AVL9: variants seen among roughly 807,000 people sequenced by gnomAD.
AVL9 encodes the protein late secretory pathway protein AVL9 homolog.
Under a neutral mutation model 79.2 loss-of-function variants are expected in AVL9, and 49 were observed. That is an observed-to-expected ratio of 0.62 (90% confidence interval 0.49 to 0.79). AVL9 has a LOEUF of 0.79. Among genes scored for constraint, AVL9 ranks in the 30% least tolerant of loss-of-function variants. The probability of loss-of-function intolerance (pLI) is 0.00; values close to 1 mark genes in which losing one functional copy is unlikely to be tolerated. For synonymous variants in AVL9, 299 were observed against 280.6 expected, an observed-to-expected ratio of 1.07 and a Z score of -0.65; for missense variants, 682 against 776.8, an observed-to-expected ratio of 0.88 and a Z score of 1.45.
intron 7 of AVL9, 25 bp from the exon 8 acceptor site, chr7:32,554,533 A>G (rs1463754100): frequency 2.7e-6 from 4 of 1,474,082 alleles, no homozygotes; most frequent in Non-Finnish European, 3.7e-6. Context: ...TCATTTCAAT[A>G]CAACATTTTT....
At chr7:32,503,329 TATATCTATATATATAG>T (rs1183268328) in intron 1 of AVL9, among the ~76,000 whole-genome samples, 10 of 105,884 alleles carry the variant, frequency 9.4e-5, no homozygotes, top group South Asian at 3.9e-4. Flanking sequence ...GATATATATA[TATATCTATATATATAG>T]ATATAGATAT....
chr7:32,573,861 C>A (rs1035393670), intron 12 of AVL9, among the ~76,000 whole-genome samples: 2 of 152,072 alleles, frequency 1.3e-5, no homozygotes, highest in African/African-American at 4.8e-5. Context: ...CATTGAAAAT[C>A]GTGTTGTAAA....
At chr7:32,520,424 C>A (rs921297193) in intron 1 of AVL9, among the ~76,000 whole-genome samples, 4 of 152,140 alleles carry the variant, frequency 2.6e-5, no homozygotes, top group African/African-American at 9.7e-5. Context: ...ATTGAACAAT[C>A]CCTGATGAGT....
At chr7:32,554,495 GA>G (rs1789973883) in intron 7 of AVL9, 62 bp from the exon 8 acceptor site, 2 of 1,059,402 alleles carry the variant, frequency 1.9e-6, no homozygotes, top group East Asian at 5.1e-5. Flanking sequence ...TTTAGGAGGG[GA>G]AAAGATGAAT....
chr7:32,551,675 T>G (rs1013147900), intron 5 of AVL9, among the ~76,000 whole-genome samples: 2 of 150,590 alleles, frequency 1.3e-5, no homozygotes, highest in Admixed American at 6.7e-5. Flanking sequence ...TTTCTCTTAG[T>G]GGATAATAGC....
At position 32,559,252 on chromosome 7, in the gene AVL9, G is replaced by A. The variant is rs1790226295; in HGVS notation, c.1003G>A (p.Asp335Asn). Residue 335 changes from aspartate (D) to asparagine (N), a missense_variant, in exon 10 of 16, where the codon GAT becomes AAT. Coordinates refer to ENST00000318709, the MANE Select transcript of AVL9 (RefSeq NM_015060.3). ...TTCAGAAAGTGACTGGGAAACTTTG[G>A]ATCCTAGTGTCTTAGAGGACCCCAA... Reference protein sequence around the residue: ...DSSESDWETLDPSVLEDPNLK... With the variant: ...DSSESDWETLNPSVLEDPNLK... 1.9e-6 allele frequency: 3 copies of A among 1,614,184 alleles called. No homozygotes were observed. The African/African-American group carries it at 4.0e-5, about 22-fold the overall frequency.
chr7:32,510,547 G>A (rs1224971950), intron 1 of AVL9, among the ~76,000 whole-genome samples: 1 of 145,346 alleles, frequency 6.9e-6, no homozygotes, highest in Middle Eastern at 3.5e-3. Context: ...CCCAGTATGA[G>A]GGAAGCCATC....
intron 10 of AVL9, among the ~76,000 whole-genome samples, chr7:32,560,771 A>G (rs991169787): frequency 6.6e-6 from 1 of 152,252 alleles, no homozygotes; most frequent in African/African-American, 2.4e-5. Context: ...CATGGCAGCT[A>G]TAGCCTTATG....
chr7:32,559,495 TA>T, intron 10 of AVL9, 31 bp downstream of exon 10: 1 of 1,498,654 alleles, frequency 6.7e-7, no homozygotes, highest in South Asian at 1.4e-5. Flanking sequence ...TCGAATTCCT[TA>T]AAGAATTTGA....
At chr7:32,511,290 C>T (rs1787659997) in intron 1 of AVL9, among the ~76,000 whole-genome samples, 1 of 148,412 alleles carries the variant, frequency 6.7e-6, no homozygotes, top group Non-Finnish European at 1.5e-5. Flanking sequence ...TGAGGGAAAC[C>T]ATCTCCCCAG....
chr7:32,587,363 CTGGCAGGTAGGTTT>C lies in AVL9; in HGVS notation c.*3459_*3472del, dbSNP rs1256294817. Reference sequence around the variant, plus strand: ...AAAGTCACGCTACGGCATTATCACCCTGGCAGGTAGGTTTTGTTATTGTTTTACATTTTGTGAAA... The same window carrying C: ...AAAGTCACGCTACGGCATTATCACCCTGTTATTGTTTTACATTTTGTGAAA... On this transcript the variant is annotated 3_prime_UTR_variant, in exon 16 of 16. Coordinates refer to ENST00000318709, the MANE Select transcript of AVL9 (RefSeq NM_015060.3). The C allele has an allele frequency of 6.6e-6, 1 of 152,172 alleles. No individual in the cohort carries two copies. Among genetic ancestry groups the C allele is most frequent in the Non-Finnish European group, 1.5e-5 (1 of 68,044 alleles). The allele number at this position is 152,172 out of a possible 1,614,324, so 9.4% of individuals were successfully genotyped here. A position where few individuals can be genotyped will look rare whatever the true frequency, so the allele number is the denominator to read the frequency against.
At chr7:32,504,540 G>A (rs1787323743) in intron 1 of AVL9, among the ~76,000 whole-genome samples, 1 of 152,110 alleles carries the variant, frequency 6.6e-6, no homozygotes, top group African/African-American at 2.4e-5. Flanking sequence ...TTGTCATTAG[G>A]TGTGTAAGCT....
intron 3 of AVL9, among the ~76,000 whole-genome samples, chr7:32,546,372 T>C (rs967556987): frequency 6.6e-5 from 10 of 152,148 alleles, no homozygotes; most frequent in Non-Finnish European, 1.5e-4. Context: ...GTAACTACCA[T>C]GAAGTAACCC....
intron 1 of AVL9, among the ~76,000 whole-genome samples, chr7:32,499,569 C>A (rs1056354200): frequency 6.3e-5 from 7 of 110,640 alleles, no homozygotes; most frequent in Non-Finnish European, 1.3e-4. Context: ...ACAAAAAAGG[C>A]AGAATAACAA....
At chr7:32,571,353 C>T (rs1286790165) in intron 11 of AVL9, among the ~76,000 whole-genome samples, 1 of 150,792 alleles carries the variant, frequency 6.6e-6, no homozygotes, top group Non-Finnish European at 1.5e-5. Flanking sequence ...CATGGTGAAA[C>T]CCCGTCTCTA....
chr7:32,535,359 C>T (rs566923563), intron 1 of AVL9: 1 of 152,338 alleles, frequency 6.6e-6, no homozygotes, highest in African/African-American at 2.4e-5. Flanking sequence ...GTTATCTGAC[C>T]TGAGAAATCA....
rs1461334484 is a variant in AVL9, at chr7:32,568,201, A to AT, written c.1216-1816dup. On this transcript the variant is annotated intron_variant, in intron 10 of 15. Coordinates refer to ENST00000318709, the MANE Select transcript of AVL9 (RefSeq NM_015060.3). ...TTTTTTACATCATATTCTTTTATTT[A>AT]TTTATTTTTTTTTTTTTGAGATGGA... Among the ~76,000 whole-genome samples, 69 of 129,352 alleles carry AT rather than the reference A, an allele frequency of 5.3e-4. 1 individual carries two copies. In the South Asian group the frequency reaches 6.7e-3, roughly 13 times the overall value. 84.9% of individuals were successfully genotyped at this position (129,352 alleles called of 152,430 possible).
chr7:32,573,605 T>G (rs1790956855), intron 12 of AVL9, among the ~76,000 whole-genome samples, 187 bp downstream of exon 12: 1 of 152,240 alleles, frequency 6.6e-6, no homozygotes. Flanking sequence ...TCTTTTCCTA[T>G]GCATGTATTT....
intron 1 of AVL9, among the ~76,000 whole-genome samples, chr7:32,512,167 C>A (rs10255985): frequency 0.34 from 50,969 of 151,928 alleles, 8,773 homozygotes; most frequent in South Asian, 0.44. Context: ...ATAAATGGAT[C>A]TGTAATTATT....
Sources: gnomAD v4.1 joint callset for allele counts (sites outside exome capture counted in the v4.1 genomes callset) on GRCh38, gnomAD v4.1.1 for gene constraint, MANE v1.5 for transcripts, NCBI Gene and HGNC (gene_info 2026-07-23, HGNC 2026-07-21) for gene names.